Variants in STXBP5L observed in about 807,000 individuals in gnomAD.
STXBP5L encodes the protein syntaxin-binding protein 5-like.
A neutral mutation model predicts 144.5 loss-of-function variants in STXBP5L; 65 were observed. The observed-to-expected ratio is 0.45, with a 90% CI of 0.37 to 0.55. STXBP5L has a LOEUF of 0.55. Among genes scored for constraint, STXBP5L ranks in the 20% least tolerant of loss-of-function variants. STXBP5L has a pLI of 0.00. For synonymous variants in STXBP5L, 505 were observed against 469.6 expected (o/e 1.08, Z -0.97); for missense variants, 1,298 against 1,405.5 (o/e 0.92, Z 1.22).
intron 5 of STXBP5L, among the ~76,000 whole-genome samples, chr3:121,052,408 G>T (rs1195406649): frequency 1.6e-4 from 25 of 152,058 alleles, no homozygotes; most frequent in Non-Finnish European, 1.0e-4. Flanking sequence ...TGATCAAGTG[G>T]GCTTCATCCC....
intron 3 of STXBP5L, among the ~76,000 whole-genome samples, chr3:120,991,075 T>C (rs1576592131): frequency 6.6e-6 from 1 of 152,018 alleles, no homozygotes; most frequent in East Asian, 1.9e-4. Flanking sequence ...TTTTGCAATC[T>C]ACTCATCTGA....
At chr3:121,130,099 G>A (rs1262203675) in intron 7 of STXBP5L, among the ~76,000 whole-genome samples, 1 of 152,078 alleles carries the variant, frequency 6.6e-6, no homozygotes, top group African/African-American at 2.4e-5. Context: ...TAGAGAAAAA[G>A]CTGGTAGTGT....
At chr3:121,245,180 A>G (rs2049804940) in intron 14 of STXBP5L, among the ~76,000 whole-genome samples, 1 of 152,094 alleles carries the variant, frequency 6.6e-6, no homozygotes, top group African/African-American at 2.4e-5. Context: ...ACATGAAGAG[A>G]TAGTGAATGT....
At chr3:121,079,955 A>G (rs1212512114) in intron 5 of STXBP5L, among the ~76,000 whole-genome samples, 2 of 152,100 alleles carry the variant, frequency 1.3e-5, no homozygotes, top group Non-Finnish European at 2.9e-5. Context: ...GTTGCTGTCT[A>G]TTTTATTTCT....
At chr3:121,088,461 T>C (rs1311632532) in intron 5 of STXBP5L, among the ~76,000 whole-genome samples, 6 of 94,602 alleles carry the variant, frequency 6.3e-5, no homozygotes, top group East Asian at 4.9e-4. Context: ...GGAGAGGATG[T>C]GGAGAAATAG....
intron 19 of STXBP5L, among the ~76,000 whole-genome samples, chr3:121,309,367 A>G (rs986583783): frequency 3.3e-5 from 5 of 152,242 alleles, no homozygotes; most frequent in East Asian, 1.9e-4. Flanking sequence ...ATTTAAAAAA[A>G]TAGATTTTAA....
intron 9 of STXBP5L, among the ~76,000 whole-genome samples, chr3:121,184,199 T>C (rs1453050451): frequency 6.6e-6 from 1 of 151,686 alleles, no homozygotes; most frequent in Non-Finnish European, 1.5e-5. Context: ...GGAACAAAAC[T>C]GGACAGAGAA....
intron 18 of STXBP5L, among the ~76,000 whole-genome samples, chr3:121,267,470 C>T (rs2050603272): frequency 6.6e-6 from 1 of 152,100 alleles, no homozygotes; most frequent in Non-Finnish European, 1.5e-5. Flanking sequence ...AGAAGAAAAC[C>T]TAGGCAATAC....
chr3:120,991,945 A>G (rs555598297), intron 3 of STXBP5L, among the ~76,000 whole-genome samples: 16 of 152,286 alleles, frequency 1.1e-4, no homozygotes, highest in African/African-American at 3.6e-4. Flanking sequence ...GATGTACCCT[A>G]AAACTTAAAG....
In STXBP5L at chr3:121,222,987, G is replaced by GT; in HGVS notation, c.957-10dup. The GT allele has an allele frequency of 6.3e-7, 1 of 1,585,688 alleles. No individual in the cohort carries two copies. On this transcript the variant is annotated splice_polypyrimidine_tract_variant and intron_variant, in intron 10 of 26. Coordinates refer to ENST00000471454, the MANE Select transcript of STXBP5L (RefSeq NM_001308330.2). ...TAAAGGACTTCTGAGTCTCATTCAT[G>GT]TTTTTTCCTATGTAGCGAACCATTC...
chr3:121,275,058 G>T (rs2050840436), intron 18 of STXBP5L, among the ~76,000 whole-genome samples: 1 of 152,134 alleles, frequency 6.6e-6, no homozygotes, highest in Admixed American at 6.5e-5. Flanking sequence ...ATTTGACCAT[G>T]TATGTGTGAG....
chr3:121,090,861 C>T (rs1266883556), intron 5 of STXBP5L, among the ~76,000 whole-genome samples: 1 of 152,022 alleles, frequency 6.6e-6, no homozygotes, highest in Admixed American at 6.6e-5. Flanking sequence ...ATGTGACATG[C>T]TGGTGTGCTG....
chr3:121,320,793 C>T (rs113066786), intron 20 of STXBP5L, among the ~76,000 whole-genome samples: 109 of 151,660 alleles, frequency 7.2e-4, no homozygotes, highest in African/African-American at 2.5e-3. Flanking sequence ...CCTCTGCCTC[C>T]GAGGTTCAAG....
intron 2 of STXBP5L, among the ~76,000 whole-genome samples, chr3:120,931,117 A>C (rs1032421115): frequency 6.6e-6 from 1 of 150,840 alleles, no homozygotes; most frequent in Non-Finnish European, 1.5e-5. Flanking sequence ...TTTTTAGAAT[A>C]AGGGAGACTA....
chr3:121,028,545 A>G (rs1377655083), intron 3 of STXBP5L, among the ~76,000 whole-genome samples: 1 of 152,134 alleles, frequency 6.6e-6, no homozygotes, highest in Non-Finnish European at 1.5e-5. Context: ...CATTTTCTAT[A>G]GTAGAAACAT....
At chr3:121,145,496 A>C (rs916472026) in intron 7 of STXBP5L, among the ~76,000 whole-genome samples, 1 of 152,016 alleles carries the variant, frequency 6.6e-6, no homozygotes, top group African/African-American at 2.4e-5. Context: ...TCATCAAATT[A>C]TTTTCAGCAA....
At chr3:121,003,657 G>A (rs922916393) in intron 3 of STXBP5L, among the ~76,000 whole-genome samples, 1 of 152,138 alleles carries the variant, frequency 6.6e-6, no homozygotes, top group Non-Finnish European at 1.5e-5. Context: ...TATTGCCTAG[G>A]TTTTCTTCTA....
At chr3:121,060,141 G>T (rs11718302) in intron 5 of STXBP5L, among the ~76,000 whole-genome samples, 1 of 152,008 alleles carries the variant, frequency 6.6e-6, no homozygotes, top group Non-Finnish European at 1.5e-5. Context: ...TTTGAGATAC[G>T]TTCCATCAGT....
intron 2 of STXBP5L, among the ~76,000 whole-genome samples, chr3:120,937,550 C>T (rs1240481407): frequency 6.6e-6 from 1 of 152,176 alleles, no homozygotes; most frequent in Non-Finnish European, 1.5e-5. Flanking sequence ...ATCCCTATAT[C>T]TGCCTGTCTG....
Sources: gnomAD v4.1 joint callset for allele counts (sites outside exome capture counted in the v4.1 genomes callset) on GRCh38, gnomAD v4.1.1 for gene constraint, MANE v1.5 for transcripts, NCBI Gene and HGNC (gene_info 2026-07-23, HGNC 2026-07-21) for gene names.